The following RTTN variants were observed in gnomAD, a reference collection of about 807,000 sequenced individuals.
RTTN encodes the protein rotatin.
Under a neutral mutation model 269.2 loss-of-function variants are expected in RTTN, and 182 were observed. The observed-to-expected ratio is 0.68, with a 90% CI of 0.60 to 0.76. The LOEUF is 0.76. RTTN is among the 30% of genes least tolerant of loss of function. RTTN has a pLI of 0.00. For missense variants in RTTN, 2,545 were observed against 2,608.6 expected (o/e 0.98, Z 0.53); for synonymous variants, 1,006 against 963.5 (o/e 1.04, Z -0.82).
chr18:70,034,274 T>G (rs2057107073), intron 40 of RTTN, among the ~76,000 whole-genome samples: 1 of 152,126 alleles, frequency 6.6e-6, no homozygotes, highest in Admixed American at 6.6e-5. Context: ...GTCAATATCC[T>G]TGATGAACAG....
rs751679113 is a variant in RTTN at position 70,134,543 on chromosome 18, T to C, written c.2886-2A>G. 1.9e-6 allele frequency: 3 copies of C among 1,598,540 alleles called. No individual in the cohort carries two copies. Among genetic ancestry groups the C allele is most frequent in the East Asian group, 2.2e-5 (1 of 44,702 alleles). On this transcript the variant is annotated splice_acceptor_variant, in intron 22 of 48. Coordinates refer to ENST00000640769, the MANE Select transcript of RTTN (RefSeq NM_173630.4). LOFTEE classifies it high-confidence loss of function. ...GGTTTATTGGAAGGATTAACAGACCTATTTCATAAAAGAAAAACAAAAACA... is the reference window on the plus strand; with the variant it reads ...GGTTTATTGGAAGGATTAACAGACCCATTTCATAAAAGAAAAACAAAAACA...
intron 35 of RTTN, among the ~76,000 whole-genome samples, chr18:70,062,434 T>C (rs539490255): frequency 6.6e-6 from 1 of 152,274 alleles, no homozygotes; most frequent in South Asian, 2.1e-4. Flanking sequence ...TTCCTTCCTG[T>C]TTTCTTTCTA....
At chr18:70,015,896 T>C (rs1369142325) in intron 46 of RTTN, among the ~76,000 whole-genome samples, 1 of 152,186 alleles carries the variant, frequency 6.6e-6, no homozygotes, top group Non-Finnish European at 1.5e-5. Context: ...GTAGCTGCTA[T>C]ATACCAAGAA....
intron 40 of RTTN, among the ~76,000 whole-genome samples, chr18:70,042,340 A>G (rs1383983031): frequency 1.3e-5 from 2 of 148,884 alleles, no homozygotes; most frequent in Admixed American, 6.7e-5. Context: ...GAGAAAAACC[A>G]GGAATTCTAA....
At chr18:70,179,030 C>G (rs1000123691) in intron 10 of RTTN, among the ~76,000 whole-genome samples, 10 of 152,080 alleles carry the variant, frequency 6.6e-5, no homozygotes, top group African/African-American at 2.4e-4. Flanking sequence ...GAAACACTGA[C>G]AAAAATTAAC....
intron 32 of RTTN, among the ~76,000 whole-genome samples, chr18:70,081,104 A>G (rs1306161099): frequency 6.6e-6 from 1 of 152,212 alleles, no homozygotes; most frequent in African/African-American, 2.4e-5. Flanking sequence ...GTTCTCACTC[A>G]TAAGCGGGAG....
chr18:70,143,211 GT>G (rs200756416), intron 18 of RTTN, among the ~76,000 whole-genome samples: 3 of 150,726 alleles, frequency 2.0e-5, no homozygotes, highest in South Asian at 2.1e-4. Flanking sequence ...GAGCTGTTTG[GT>G]TTTTTTTTGT....
intron 37 of RTTN, among the ~76,000 whole-genome samples, chr18:70,057,361 A>G (rs1308371690): frequency 6.6e-6 from 1 of 152,230 alleles, no homozygotes; most frequent in Non-Finnish European, 1.5e-5. Flanking sequence ...TAACTTAGCC[A>G]CCAAATATTT....
At chr18:70,083,460 G>A (rs2058623651) in intron 32 of RTTN, among the ~76,000 whole-genome samples, 1 of 151,964 alleles carries the variant, frequency 6.6e-6, no homozygotes, top group South Asian at 2.1e-4. Flanking sequence ...AGTCCTGTCA[G>A]AAACAAACAT....
chr18:70,092,298 T>C, intron 29 of RTTN, 78 bp from the exon 30 acceptor site: 1 of 925,106 alleles, frequency 1.1e-6, no homozygotes, highest in Non-Finnish European at 1.7e-6. Context: ...AAACAAGAAT[T>C]TTTAATGAAA....
Position 70,133,134 on chromosome 18 carries a change from A to T in RTTN, c.2954+1339T>A, listed in dbSNP as rs563340124. Among the ~76,000 whole-genome samples, 9 of 152,242 alleles carry T rather than the reference A, an allele frequency of 5.9e-5. No homozygotes were observed. In the South Asian group the frequency reaches 1.2e-3, roughly 21 times the overall value. ...TATGCCTACAGCACACTTACTAGAG[A>T]ACATATTTTCTATTTGGGACATGAG... is the stretch of plus-strand genomic sequence containing the variant. On this transcript the variant is annotated intron_variant, in intron 23 of 48. Transcript: ENST00000640769.
At chr18:70,151,787 C>A (rs1450788255) in intron 14 of RTTN, among the ~76,000 whole-genome samples, 1 of 152,114 alleles carries the variant, frequency 6.6e-6, no homozygotes, top group African/African-American at 2.4e-5. Context: ...TTCTCCAGCA[C>A]CTTTATTTTT....
chr18:70,049,663 A>T (rs2057599306), intron 39 of RTTN, among the ~76,000 whole-genome samples: 1 of 152,226 alleles, frequency 6.6e-6, no homozygotes, highest in Admixed American at 6.5e-5. Flanking sequence ...AGTACATTTA[A>T]GTAGGTTGTT....
At chr18:70,187,007 G>A (rs2061562419) in intron 10 of RTTN, among the ~76,000 whole-genome samples, 1 of 152,108 alleles carries the variant, frequency 6.6e-6, no homozygotes, top group Non-Finnish European at 1.5e-5. Context: ...TACCGCTGAA[G>A]CTAAATAAAA....
At chr18:70,100,490 G>A (rs2059129982) in intron 28 of RTTN, among the ~76,000 whole-genome samples, 1 of 152,134 alleles carries the variant, frequency 6.6e-6, no homozygotes, top group Admixed American at 6.5e-5. Context: ...TGAGACGATG[G>A]GGTTTTCTAA....
chr18:70,182,819 A>C lies in RTTN; in HGVS notation c.1305+5289T>G, dbSNP rs528993058. 4.6e-5 allele frequency among the ~76,000 whole-genome samples: 7 copies of C among 151,528 alleles called. No homozygotes were observed. The East Asian group carries it at 5.8e-4, about 13-fold the overall frequency. On this transcript the variant is annotated intron_variant, in intron 10 of 48. Coordinates refer to ENST00000640769, the MANE Select transcript of RTTN (RefSeq NM_173630.4). The stretch of plus-strand genomic sequence containing the variant: ...TATTACTTATCAAAACACTTCTTAC[A>C]AAAAAAACAAAATTTAATTCCATAT...
chr18:70,047,899 A>T (rs1317246714), intron 40 of RTTN, 72 bp downstream of exon 40: 1 of 1,194,164 alleles, frequency 8.4e-7, no homozygotes, highest in Non-Finnish European at 1.2e-6. Context: ...ACAGTTTTTA[A>T]CAAGACCATG....
chr18:70,145,640 A>G lies in RTTN; in HGVS notation c.2453T>C (p.Leu818Pro), dbSNP rs1162414959. 1 of 1,610,426 alleles carries G rather than the reference A, an allele frequency of 6.2e-7. No individual in the cohort carries two copies. The highest frequency in any genetic ancestry group is 1.3e-5 in the African/African-American group (1 of 74,778). ...AATAACCAGCTCTCTTCTGTCATCC[A>G]GTCTGAGTTCAATAGGTTTCTTCCC... ...FIGKKPIELR[L>P]DDRRELVIKL... Residue 818 changes from leucine (L) to proline (P), a missense_variant, in exon 18 of 49, where the codon CTG becomes CCG. Transcript: ENST00000640769.
chr18:70,132,713 G>A (rs2060027897), intron 23 of RTTN, among the ~76,000 whole-genome samples: 1 of 152,002 alleles, frequency 6.6e-6, no homozygotes, highest in African/African-American at 2.4e-5. Context: ...CCTCCAGTAA[G>A]TTAGAAAATG....
Sources: allele counts gnomAD v4.1 joint callset (sites outside exome capture counted in the v4.1 genomes callset), GRCh38; gene constraint gnomAD v4.1.1; transcripts MANE v1.5; gene names NCBI Gene and HGNC (gene_info 2026-07-23, HGNC 2026-07-21).